PTPRT: variants seen among roughly 807,000 people sequenced by gnomAD.
PTPRT encodes receptor-type tyrosine-protein phosphatase T.
In PTPRT, 56 loss-of-function variants were observed where a neutral mutation model predicts 176.8. The ratio of observed to expected loss-of-function variants is 0.32; its 90% confidence interval spans 0.26 to 0.40. The LOEUF (loss-of-function observed/expected upper bound fraction) is 0.40, where lower values mean the gene tolerates loss of function less well. PTPRT is among the 10% of genes least tolerant of loss of function. The probability of loss-of-function intolerance (pLI) is 1.00; values close to 1 mark genes in which losing one functional copy is unlikely to be tolerated. For missense variants in PTPRT, 1,540 were observed against 1,908.2 expected, an observed-to-expected ratio of 0.81 and a Z score of 3.60; for synonymous variants, 783 against 739.0, an observed-to-expected ratio of 1.06 and a Z score of -0.96.
chr20:42,094,632 A>G (rs6029964), intron 27 of PTPRT, among the ~76,000 whole-genome samples: 9,506 of 152,124 alleles, frequency 0.062, 373 homozygotes, highest in African/African-American at 0.092. Flanking sequence ...GCTCATGCCT[A>G]TAACCCCAGC....
chr20:42,908,302 A>G (rs1206759974), intron 1 of PTPRT, among the ~76,000 whole-genome samples: 1 of 152,204 alleles, frequency 6.6e-6, no homozygotes, highest in Non-Finnish European at 1.5e-5. Flanking sequence ...GAATTTTTAT[A>G]GCCCGAATCT....
At chr20:42,477,557 G>T (rs2071312268) in intron 7 of PTPRT, among the ~76,000 whole-genome samples, 1 of 152,154 alleles carries the variant, frequency 6.6e-6, no homozygotes, top group Admixed American at 6.5e-5. Flanking sequence ...AGAATCTGGG[G>T]TTTACATTCG....
intron 7 of PTPRT, among the ~76,000 whole-genome samples, chr20:42,513,201 G>GTGTGT (rs2071990669): frequency 3.5e-5 from 5 of 144,664 alleles, no homozygotes; most frequent in African/African-American, 1.0e-4. Flanking sequence ...CTATTGATGG[G>GTGTGT]GTGTGTGTGT....
chr20:42,525,717 GTC>G (rs1196109514), intron 7 of PTPRT, among the ~76,000 whole-genome samples: 1 of 152,090 alleles, frequency 6.6e-6, no homozygotes, highest in Non-Finnish European at 1.5e-5. Context: ...ACCTCTTCGA[GTC>G]TCTATAATAT....
intron 16 of PTPRT, among the ~76,000 whole-genome samples, chr20:42,187,946 G>A (rs191613821): frequency 6.6e-6 from 1 of 152,286 alleles, no homozygotes; most frequent in South Asian, 2.1e-4. Flanking sequence ...TCACCTCTGT[G>A]GGCCGCAGTT....
intron 1 of PTPRT, among the ~76,000 whole-genome samples, chr20:43,148,798 T>C (rs952517944): frequency 3.3e-5 from 5 of 152,208 alleles, no homozygotes; most frequent in Admixed American, 1.3e-4. Context: ...ATGTACTGTC[T>C]GCTACCTTTT....
chr20:42,967,645 C>A (rs1288028227), intron 1 of PTPRT, among the ~76,000 whole-genome samples: 1 of 152,150 alleles, frequency 6.6e-6, no homozygotes, highest in Non-Finnish European at 1.5e-5. Flanking sequence ...TACTACAGCC[C>A]TACGAACCGA....
chr20:42,422,377 A>G (rs1304705550), intron 9 of PTPRT, among the ~76,000 whole-genome samples: 1 of 152,214 alleles, frequency 6.6e-6, no homozygotes, highest in African/African-American at 2.4e-5. Flanking sequence ...AACCCATACA[A>G]AAGTGGGCAA....
chr20:43,159,540 A>G (rs542472968), intron 1 of PTPRT, among the ~76,000 whole-genome samples: 9 of 152,232 alleles, frequency 5.9e-5, no homozygotes, highest in Non-Finnish European at 1.0e-4. Flanking sequence ...TGCCTGCCAC[A>G]TGGAATTTCA....
At chr20:42,678,968 G>A (rs983211169) in intron 6 of PTPRT, among the ~76,000 whole-genome samples, 3 of 152,206 alleles carry the variant, frequency 2.0e-5, no homozygotes, top group African/African-American at 7.2e-5. Flanking sequence ...CAAGAATTCA[G>A]CTTCTGCCTC....
chr20:42,460,926 T>C (rs1303672772), intron 8 of PTPRT, among the ~76,000 whole-genome samples: 1 of 152,206 alleles, frequency 6.6e-6, no homozygotes, highest in Non-Finnish European at 1.5e-5. Flanking sequence ...CAGCAAACTG[T>C]AATCCCAACA....
chr20:43,132,797 TAGAG>T (rs1034309195), intron 1 of PTPRT, among the ~76,000 whole-genome samples: 32 of 152,216 alleles, frequency 2.1e-4, no homozygotes, highest in African/African-American at 5.5e-4. Flanking sequence ...GTAAGGGGAA[TAGAG>T]AGAATACAAT....
intron 7 of PTPRT, among the ~76,000 whole-genome samples, chr20:42,567,791 T>C (rs952322349): frequency 3.3e-5 from 5 of 152,230 alleles, no homozygotes; most frequent in African/African-American, 4.8e-5. Context: ...ACCTGTTTTA[T>C]AATTGTGATA....
intron 9 of PTPRT, among the ~76,000 whole-genome samples, chr20:42,395,743 C>A (rs2145685756): frequency 6.6e-6 from 1 of 152,292 alleles, no homozygotes; most frequent in Non-Finnish European, 1.5e-5. Flanking sequence ...GAACTACCAA[C>A]AGCATTTGAC....
chr20:42,080,849 G>A lies in PTPRT; in HGVS notation c.*30C>T, dbSNP rs776467589. 1.8e-5 allele frequency: 29 copies of A among 1,592,954 alleles called. No individual in the cohort carries two copies. Among genetic ancestry groups the A allele is most frequent in the Non-Finnish European group, 2.5e-5 (29 of 1,162,030 alleles). The stretch of plus-strand genomic sequence containing the variant: ...AGGGGGCTTGGTCACAGCAGCCTCT[G>A]GACTCCGGCAGGTTCCCCATCCCAT... On this transcript the variant is annotated 3_prime_UTR_variant, in exon 31 of 31. Transcript: ENST00000373187.
intron 6 of PTPRT, among the ~76,000 whole-genome samples, chr20:42,731,952 G>C (rs1569118622): frequency 6.6e-6 from 1 of 152,160 alleles, no homozygotes. Flanking sequence ...CTTCCTCCAA[G>C]AAGCTTCTCT....
chr20:43,172,506 T>C (rs1455857798), intron 1 of PTPRT, among the ~76,000 whole-genome samples: 1 of 152,214 alleles, frequency 6.6e-6, no homozygotes, highest in Admixed American at 6.5e-5. Flanking sequence ...GAAGGTCCTA[T>C]GTCCTAGGAA....
intron 11 of PTPRT, among the ~76,000 whole-genome samples, chr20:42,326,550 T>C (rs960061061): frequency 6.6e-6 from 1 of 152,118 alleles, no homozygotes; most frequent in Non-Finnish European, 1.5e-5. Flanking sequence ...GAAGATGTAA[T>C]GAAAAAGCCT....
intron 14 of PTPRT, among the ~76,000 whole-genome samples, chr20:42,239,569 C>T (rs1238369543): frequency 6.6e-6 from 1 of 151,726 alleles, no homozygotes; most frequent in Non-Finnish European, 1.5e-5. Context: ...ACTACAGGTG[C>T]CCACCACCAC....
Sources: gnomAD v4.1 joint callset for allele counts (sites outside exome capture counted in the v4.1 genomes callset) on GRCh38, gnomAD v4.1.1 for gene constraint, MANE v1.5 for transcripts, NCBI Gene and HGNC (gene_info 2026-07-23, HGNC 2026-07-21) for gene names.